Variants in PARD3B observed in about 807,000 individuals in gnomAD.
The protein encoded by PARD3B is par-3 family cell polarity regulator beta.
In PARD3B, 103 loss-of-function variants were observed where a neutral mutation model predicts 130.2. That is an observed-to-expected ratio of 0.79 (90% CI 0.67 to 0.93). The LOEUF (loss-of-function observed/expected upper bound fraction) is 0.93. Ranked by LOEUF, PARD3B falls within the 40% of genes least tolerant of loss-of-function variation. The probability of loss-of-function intolerance (pLI) is 0.00; values close to 1 mark genes in which losing one functional copy is unlikely to be tolerated. For missense variants in PARD3B, 1,609 were observed against 1,499.2 expected (o/e 1.07, Z -1.21); for synonymous variants, 583 against 553.2 (o/e 1.05, Z -0.76).
intron 18 of PARD3B, among the ~76,000 whole-genome samples, chr2:205,386,529 G>A (rs1274797245): frequency 2.0e-5 from 3 of 152,152 alleles, no homozygotes; most frequent in Non-Finnish European, 4.4e-5. Flanking sequence ...TATCCAGTCT[G>A]CAGGTTGGTT....
chr2:205,336,976 TAAAA>T (rs34061573), intron 18 of PARD3B, among the ~76,000 whole-genome samples: 2 of 147,274 alleles, frequency 1.4e-5, no homozygotes, highest in Non-Finnish European at 3.0e-5. Flanking sequence ...TTATTTCTTG[TAAAA>T]AAAAAAAAAA....
At chr2:205,431,416 A>G (rs2047328799) in intron 19 of PARD3B, among the ~76,000 whole-genome samples, 1 of 152,120 alleles carries the variant, frequency 6.6e-6, no homozygotes, top group Non-Finnish European at 1.5e-5. Context: ...TGAAACGTAT[A>G]TGGGAGCTCA....
At position 205,078,269 on chromosome 2, in the gene PARD3B, C is replaced by T. The variant is rs1358283452; in HGVS notation, c.505-26157C>T. 6.6e-6 allele frequency among the ~76,000 whole-genome samples: 1 copy of T among 152,172 alleles called. No individual in the cohort carries two copies. The highest frequency in any genetic ancestry group is 1.5e-5 in the Non-Finnish European group (1 of 68,036). On this transcript the variant is annotated intron_variant, in intron 4 of 22. Coordinates refer to ENST00000406610, the MANE Select transcript of PARD3B (RefSeq NM_001302769.2). This position sits in a 1 kb window ranked among gnomAD's most constrained non-coding sequence, Gnocchi z 4.0. ...CTCTGAATGGGTATTTATAATTTAG[C>T]TTTGTTCCTTTTATTAGATGTGACA...
At chr2:204,891,836 T>C (rs1221672143) in intron 2 of PARD3B, among the ~76,000 whole-genome samples, 1 of 152,160 alleles carries the variant, frequency 6.6e-6, no homozygotes, top group Non-Finnish European at 1.5e-5. Flanking sequence ...TTCTAGAGCT[T>C]TGTGCTCCTG....
At chr2:205,248,662 A>G (rs1412365465) in intron 16 of PARD3B, among the ~76,000 whole-genome samples, 3 of 126,744 alleles carry the variant, frequency 2.4e-5, no homozygotes, top group East Asian at 4.6e-4. Flanking sequence ...GCTGGAGTGC[A>G]GTGGCGCGAT....
chr2:205,603,429 T>C (rs556068754), intron 22 of PARD3B, among the ~76,000 whole-genome samples: 1 of 152,312 alleles, frequency 6.6e-6, no homozygotes, highest in African/African-American at 2.4e-5. Flanking sequence ...CTCCATGATC[T>C]GTCTAATATT....
intron 16 of PARD3B, among the ~76,000 whole-genome samples, chr2:205,296,643 G>T (rs1214331985): frequency 6.7e-6 from 1 of 149,652 alleles, no homozygotes; most frequent in Non-Finnish European, 1.5e-5. Flanking sequence ...TAACTCTTTA[G>T]TCTTGGAGTG....
intron 19 of PARD3B, among the ~76,000 whole-genome samples, chr2:205,428,405 G>A (rs568379791): frequency 3.9e-5 from 6 of 152,044 alleles, no homozygotes; most frequent in Non-Finnish European, 7.4e-5. Context: ...ATAAAAAGAG[G>A]CCCCAGAGAG....
chr2:205,084,252 A>G, intron 4 of PARD3B, among the ~76,000 whole-genome samples: 1 of 152,124 alleles, frequency 6.6e-6, no homozygotes, highest in East Asian at 1.9e-4. Context: ...AGATTTTTAT[A>G]TATAGAAAAC....
At chr2:205,579,171 G>C (rs2053872049) in intron 22 of PARD3B, among the ~76,000 whole-genome samples, 2 of 152,106 alleles carry the variant, frequency 1.3e-5, no homozygotes, top group Non-Finnish European at 2.9e-5. Context: ...TTTCAAAAAA[G>C]AAATGAGAAC....
chr2:205,459,060 T>C (rs1006465352), intron 20 of PARD3B, among the ~76,000 whole-genome samples: 1 of 152,192 alleles, frequency 6.6e-6, no homozygotes, highest in Non-Finnish European at 1.5e-5. Context: ...TTCCCATCCC[T>C]GTGAGAATGT....
chr2:204,627,128 C>T (rs752635087), intron 1 of PARD3B, among the ~76,000 whole-genome samples: 36 of 152,140 alleles, frequency 2.4e-4, no homozygotes, highest in Non-Finnish European at 4.9e-4. Flanking sequence ...GCATTTGGTG[C>T]TTCTTTGCCT....
At chr2:205,197,074 T>TGTGTGTGTGTGTGTGA (rs1215097347) in intron 15 of PARD3B, among the ~76,000 whole-genome samples, 8 of 143,958 alleles carry the variant, frequency 5.6e-5, no homozygotes, top group Non-Finnish European at 7.6e-5. Context: ...TGTGTGTGTG[T>TGTGTGTGTGTGTGTGA]GAGAGAGAGA....
In PARD3B at chr2:205,197,023, T is replaced by TGG. The variant is rs5837962; in HGVS notation, c.2140+3712_2140+3713dup. Among the ~76,000 whole-genome samples the TGG allele has an allele frequency of 2.1e-3, 275 of 130,594 alleles. 1 individual carries two copies. Among genetic ancestry groups the TGG allele is most frequent in the East Asian group, 5.6e-3 (26 of 4,680 alleles). 85.7% of individuals were successfully genotyped at this position (130,594 alleles called of 152,430 possible). A position where few individuals can be genotyped will look rare whatever the true frequency, so the allele number is the denominator to read the frequency against. On this transcript the variant is annotated intron_variant, in intron 15 of 22. Coordinates refer to ENST00000406610, the MANE Select transcript of PARD3B (RefSeq NM_001302769.2). ...AGATGAAACAGGAATGCTTCCACTG[T>TGG]GGGGGGGGGGTGTGTGTGTGTGTGT...
chr2:205,209,842 A>T (rs1016954498), intron 15 of PARD3B, among the ~76,000 whole-genome samples: 4 of 152,082 alleles, frequency 2.6e-5, no homozygotes, highest in African/African-American at 9.7e-5. Flanking sequence ...AGTATTTGAT[A>T]GTATGACAGA....
At chr2:205,560,027 C>A (rs2053071168) in intron 22 of PARD3B, among the ~76,000 whole-genome samples, 1 of 152,116 alleles carries the variant, frequency 6.6e-6, no homozygotes, top group Admixed American at 6.5e-5. Context: ...GATAATTATC[C>A]CCATTTCATA....
rs1413179169 is a variant in PARD3B at position 205,230,765 on chromosome 2, G to A, written c.2141-15013G>A. Among the ~76,000 whole-genome samples the A allele has an allele frequency of 5.9e-5, 9 of 152,258 alleles. No homozygotes were observed. Among genetic ancestry groups the A allele is most frequent in the African/African-American group, 9.6e-5 (4 of 41,560 alleles). ...TCAAGTCTGTTTAGGACCCCAGAGC[G>A]CTTTAGCCTGCAGTGCCAAGGCTTG... On this transcript the variant is annotated intron_variant, in intron 15 of 22. Transcript: ENST00000406610. This position sits in a 1 kb window ranked among gnomAD's most constrained non-coding sequence, Gnocchi z 4.1.
rs1335667103 is a variant in PARD3B at position 205,352,264 on chromosome 2, ATAG to A, written c.2631-48745_2631-48743del. Among the ~76,000 whole-genome samples the A allele has an allele frequency of 6.6e-6, 1 of 152,210 alleles. No homozygotes were observed. Among genetic ancestry groups the A allele is most frequent in the Non-Finnish European group, 1.5e-5 (1 of 68,040 alleles). ...CATGTGTGAAGGAGGGAAAAAAAACATAGTAGAGCTTTTCTTTTCACTGTACAG... is the reference window on the plus strand; with the variant it reads ...CATGTGTGAAGGAGGGAAAAAAAACATAGAGCTTTTCTTTTCACTGTACAG... On this transcript the variant is annotated intron_variant, in intron 18 of 22. Coordinates refer to ENST00000406610, the MANE Select transcript of PARD3B (RefSeq NM_001302769.2). This position sits in a 1 kb window ranked among gnomAD's most constrained non-coding sequence, Gnocchi z 5.2.
intron 11 of PARD3B, among the ~76,000 whole-genome samples, chr2:205,165,159 C>T (rs1396418515): frequency 6.6e-6 from 1 of 151,974 alleles, no homozygotes; most frequent in African/African-American, 2.4e-5. Flanking sequence ...TCTTTTTAAT[C>T]TGGTTTTCTA....
Sources: gnomAD v4.1 joint callset for allele counts (sites outside exome capture counted in the v4.1 genomes callset) on GRCh38, gnomAD v4.1.1 for gene constraint, Gnocchi (gnomAD v3.1) non-coding constraint, MANE v1.5 for transcripts, NCBI Gene and HGNC (gene_info 2026-07-23, HGNC 2026-07-21) for gene names.